RELN: variants seen among roughly 807,000 people sequenced by gnomAD.
RELN encodes reelin.
A neutral mutation model predicts 427.6 loss-of-function variants in RELN; 108 were observed. That is an observed-to-expected ratio of 0.25 (90% CI 0.22 to 0.30). The LOEUF (loss-of-function observed/expected upper bound fraction) is 0.30. Ranked by LOEUF, RELN falls within the 10% of genes least tolerant of loss-of-function variation. RELN has a pLI of 1.00. For missense variants in RELN, 3,715 were observed against 4,302.8 expected (o/e 0.86, Z 3.82); for synonymous variants, 1,524 against 1,513.4 (o/e 1.01, Z -0.16).
At chr7:103,546,200 T>C (rs1830293378) in intron 41 of RELN, among the ~76,000 whole-genome samples, 2 of 152,202 alleles carry the variant, frequency 1.3e-5, no homozygotes, top group Non-Finnish European at 2.9e-5. Context: ...TCTGTCTCTA[T>C]GGACTGACGT....
At chr7:103,735,305 T>A (rs1039800401) in intron 6 of RELN, among the ~76,000 whole-genome samples, 3 of 152,168 alleles carry the variant, frequency 2.0e-5, no homozygotes, top group African/African-American at 7.2e-5. Context: ...AAGTATTACA[T>A]ATGATGGTAC....
At position 103,756,673 on chromosome 7, in the gene RELN, G is replaced by A. The variant is rs567047085; in HGVS notation, c.545-3459C>T. Among the ~76,000 whole-genome samples the A allele has an allele frequency of 2.0e-5, 3 of 152,098 alleles. No individual in the cohort carries two copies. The South Asian group carries it at 6.2e-4, about 32-fold the overall frequency. ...AAGTCCTTTATTATAAGTGGTCTGG[G>A]GAGCTTCAACACCAAGTCAGTATTT... On this transcript the variant is annotated intron_variant, in intron 4 of 64. Coordinates refer to ENST00000428762, the MANE Select transcript of RELN (RefSeq NM_005045.4).
intron 45 of RELN, among the ~76,000 whole-genome samples, chr7:103,536,494 G>GAA: frequency 6.6e-6 from 1 of 152,104 alleles, no homozygotes; most frequent in African/African-American, 2.4e-5. Context: ...ACTCTTTTGG[G>GAA]GCATGGCCAA....
chr7:103,767,088 T>TAA (rs1791442593), intron 4 of RELN, among the ~76,000 whole-genome samples: 1 of 152,154 alleles, frequency 6.6e-6, no homozygotes. Flanking sequence ...CCAATGAATA[T>TAA]ACACACACAC....
intron 28 of RELN, among the ~76,000 whole-genome samples, chr7:103,578,107 G>C (rs1431204189): frequency 2.6e-5 from 4 of 152,144 alleles, no homozygotes; most frequent in African/African-American, 4.8e-5. Context: ...TGAAGGACAA[G>C]TGAAATCCTT....
chr7:103,605,377 C>T (rs890367455), intron 22 of RELN, among the ~76,000 whole-genome samples: 1 of 152,142 alleles, frequency 6.6e-6, no homozygotes, highest in East Asian at 1.9e-4. Context: ...CATGGATAAA[C>T]TGATCTTAAG....
intron 17 of RELN, among the ~76,000 whole-genome samples, chr7:103,639,377 C>A (rs1311821358): frequency 6.6e-6 from 1 of 151,224 alleles, no homozygotes; most frequent in Non-Finnish European, 1.5e-5. Flanking sequence ...CTCATACATG[C>A]AATTTCTTTT....
intron 8 of RELN, among the ~76,000 whole-genome samples, chr7:103,701,926 G>A (rs1348105031): frequency 6.6e-6 from 1 of 152,186 alleles, no homozygotes; most frequent in African/African-American, 2.4e-5. Context: ...TACGTTTGTA[G>A]TGCTCAGGGG....
chr7:103,877,675 G>T (rs1242234291), intron 2 of RELN, among the ~76,000 whole-genome samples: 4 of 151,778 alleles, frequency 2.6e-5, no homozygotes, highest in African/African-American at 9.7e-5. Flanking sequence ...TAACCCATAA[G>T]ACCCTTCAAA....
chr7:103,892,456 T>G (rs1794871739), intron 2 of RELN, among the ~76,000 whole-genome samples: 1 of 152,194 alleles, frequency 6.6e-6, no homozygotes, highest in South Asian at 2.1e-4. Context: ...TACACATTAG[T>G]ACTTTTTTCC....
intron 46 of RELN, among the ~76,000 whole-genome samples, chr7:103,525,001 C>G (rs1829791860): frequency 6.6e-6 from 1 of 152,172 alleles, no homozygotes; most frequent in Admixed American, 6.5e-5. Context: ...TGCTTCCCTC[C>G]CTCATCATGG....
intron 1 of RELN, among the ~76,000 whole-genome samples, chr7:103,963,498 C>A (rs1460304053): frequency 6.6e-6 from 1 of 152,120 alleles, no homozygotes; most frequent in Non-Finnish European, 1.5e-5. Flanking sequence ...TATGAGCTTG[C>A]TTGTGGATTT....
At chr7:103,758,558 C>T (rs1307158134) in intron 4 of RELN, among the ~76,000 whole-genome samples, 4 of 151,596 alleles carry the variant, frequency 2.6e-5, no homozygotes, top group Admixed American at 1.3e-4. Flanking sequence ...ACTATCAATA[C>T]AAATTGGTAG....
At chr7:103,488,133 AGT>A (rs1229571814) in intron 60 of RELN, among the ~76,000 whole-genome samples, 1 of 142,602 alleles carries the variant, frequency 7.0e-6, no homozygotes, top group Non-Finnish European at 1.5e-5. Flanking sequence ...GGGCAACAAG[AGT>A]GAAAACTCCG....
Position 103,620,488 on chromosome 7 carries a change from T to G in RELN, c.2703-8685A>C, listed in dbSNP as rs978306049. Among the ~76,000 whole-genome samples the G allele has an allele frequency of 6.6e-5, 10 of 151,880 alleles. No individual in the cohort carries two copies. Among genetic ancestry groups the G allele is most frequent in the Non-Finnish European group, 1.5e-4 (10 of 67,950 alleles). ...CACCCGATCCACATTTTTTTTTTTT[T>G]TTTGAGATAGAGTCTCGTCTGTCGC... On this transcript the variant is annotated intron_variant, in intron 20 of 64. Transcript: ENST00000428762. The surrounding 1 kb of genome is among the most constrained non-coding windows in gnomAD (Gnocchi z 4.1).
At chr7:103,579,942 A>G (rs1037991904) in intron 28 of RELN, among the ~76,000 whole-genome samples, 4 of 152,150 alleles carry the variant, frequency 2.6e-5, no homozygotes, top group African/African-American at 4.8e-5. Flanking sequence ...TGCACTCTAC[A>G]TAGTGTACCT....
intron 10 of RELN, among the ~76,000 whole-genome samples, chr7:103,687,040 T>C (rs980458954): frequency 6.6e-6 from 1 of 152,182 alleles, no homozygotes; most frequent in Non-Finnish European, 1.5e-5. Context: ...GTGTTTTTTT[T>C]CTCATTAATT....
At chr7:103,701,538 C>G (rs769194786) in intron 8 of RELN, among the ~76,000 whole-genome samples, 9 of 152,032 alleles carry the variant, frequency 5.9e-5, no homozygotes, top group Admixed American at 1.3e-4. Context: ...ATATTACTCT[C>G]CCATAACCCA....
chr7:103,969,091 G>C (rs1399796623), intron 1 of RELN, among the ~76,000 whole-genome samples: 1 of 151,972 alleles, frequency 6.6e-6, no homozygotes. Context: ...CCCACATCTG[G>C]TGTGAATATT....
Sources: allele counts gnomAD v4.1 joint callset (sites outside exome capture counted in the v4.1 genomes callset), GRCh38; gene constraint gnomAD v4.1.1; non-coding constraint Gnocchi (gnomAD v3.1); transcripts MANE v1.5; gene names NCBI Gene and HGNC (gene_info 2026-07-23, HGNC 2026-07-21).